The following COL22A1 variants were observed in gnomAD, a reference collection of about 807,000 sequenced individuals.
COL22A1 encodes collagen type XXII alpha 1 chain, also known as collagen alpha-1(XXII) chain.
Under a neutral mutation model 248.9 loss-of-function variants are expected in COL22A1, and 221 were observed. The observed-to-expected ratio is 0.89, with a 90% CI of 0.80 to 0.99. COL22A1 has a LOEUF of 0.99. Ranked by LOEUF, COL22A1 falls within the 50% of genes least tolerant of loss-of-function variation. The pLI is 0.00. For missense variants in COL22A1, 2,240 were observed against 2,179.0 expected (o/e 1.03, Z -0.56); for synonymous variants, 891 against 793.4 (o/e 1.12, Z -2.07).
intron 50 of COL22A1, 137 bp from the exon 51 acceptor site, chr8:138,626,380 C>T (rs1046297888): frequency 2.7e-6 from 2 of 743,650 alleles, no homozygotes; most frequent in Non-Finnish European, 4.5e-6. Context: ...CTGTATCAGC[C>T]TCATGGCTTT....
At chr8:138,642,385 G>C (rs1204388257) in intron 47 of COL22A1, among the ~76,000 whole-genome samples, 1 of 152,190 alleles carries the variant, frequency 6.6e-6, no homozygotes. Context: ...TTGGAACACT[G>C]AGCACTCTGC....
intron 5 of COL22A1, among the ~76,000 whole-genome samples, chr8:138,830,612 T>C (rs530271453): frequency 6.6e-6 from 1 of 152,356 alleles, no homozygotes; most frequent in African/African-American, 2.4e-5. Flanking sequence ...CGGGGTCCCA[T>C]GCTGTGTTCC....
intron 12 of COL22A1, among the ~76,000 whole-genome samples, chr8:138,788,613 C>T (rs1815751828): frequency 6.6e-6 from 1 of 152,210 alleles, no homozygotes; most frequent in East Asian, 1.9e-4. Flanking sequence ...TCTAGGCTTC[C>T]TGAGGTTTTA....
In COL22A1 at chr8:138,676,553, C is replaced by T; in HGVS notation, c.3150+5G>A. The T allele has an allele frequency of 6.4e-7, 1 of 1,557,960 alleles. No individual in the cohort carries two copies. Among genetic ancestry groups the T allele is most frequent in the Non-Finnish European group, 8.7e-7 (1 of 1,149,346 alleles). Reference sequence around the variant, plus strand: ...CAAGTAAGAGCTGGATAAATAAAGACTTACAGGAGGGCCAGCAACCCCAAT... The same window carrying T: ...CAAGTAAGAGCTGGATAAATAAAGATTTACAGGAGGGCCAGCAACCCCAAT... On this transcript the variant is annotated splice_donor_5th_base_variant and intron_variant, in intron 41 of 64. Coordinates refer to ENST00000303045, the MANE Select transcript of COL22A1 (RefSeq NM_152888.3).
chr8:138,846,634 A>C (rs77680508), intron 3 of COL22A1, among the ~76,000 whole-genome samples: 14,095 of 149,692 alleles, frequency 0.094, 708 homozygotes, highest in Middle Eastern at 0.13. Context: ...TGGGGTCCTC[A>C]GGGTCCACCT....
intron 16 of COL22A1, among the ~76,000 whole-genome samples, chr8:138,771,960 C>T (rs999089063): frequency 7.2e-5 from 11 of 152,188 alleles, no homozygotes; most frequent in African/African-American, 2.4e-4. Context: ...CCGATGGAGA[C>T]GGTTCCTGCT....
chr8:138,880,788 G>A (rs565433567), intron 2 of COL22A1, among the ~76,000 whole-genome samples: 2 of 152,138 alleles, frequency 1.3e-5, no homozygotes, highest in East Asian at 1.9e-4. Flanking sequence ...GGACAATAAC[G>A]TCCCAGGCTG....
chr8:138,629,449 C>T (rs1006909680), intron 50 of COL22A1, among the ~76,000 whole-genome samples: 9 of 152,136 alleles, frequency 5.9e-5, no homozygotes, highest in South Asian at 2.1e-4. Flanking sequence ...CCACTGTGCC[C>T]GGCCCAGTAT....
intron 47 of COL22A1, among the ~76,000 whole-genome samples, chr8:138,640,486 C>T (rs1240043704): frequency 6.6e-6 from 1 of 152,060 alleles, no homozygotes; most frequent in African/African-American, 2.4e-5. Context: ...CTTTCTCCAC[C>T]AATAGCTGGT....
At chr8:138,848,920 A>G (rs1457446800) in intron 3 of COL22A1, among the ~76,000 whole-genome samples, 1 of 152,162 alleles carries the variant, frequency 6.6e-6, no homozygotes, top group Non-Finnish European at 1.5e-5. Flanking sequence ...ACCAGACAGG[A>G]AGCAATCACG....
At chr8:138,679,346 G>A (rs1825791528) in intron 40 of COL22A1, among the ~76,000 whole-genome samples, 1 of 152,062 alleles carries the variant, frequency 6.6e-6, no homozygotes, top group Non-Finnish European at 1.5e-5. Flanking sequence ...CTGTCCCAAG[G>A]CCATGGTCCA....
At chr8:138,662,411 C>T (rs1824045464) in intron 42 of COL22A1, among the ~76,000 whole-genome samples, 1 of 152,176 alleles carries the variant, frequency 6.6e-6, no homozygotes, top group Admixed American at 6.5e-5. Context: ...TGGCTCACTC[C>T]TTTCATGTCC....
chr8:138,655,095 C>CTATTG (rs1396853107), intron 45 of COL22A1, among the ~76,000 whole-genome samples: 2 of 152,206 alleles, frequency 1.3e-5, no homozygotes, highest in Admixed American at 6.5e-5. Flanking sequence ...TTAGGATGTC[C>CTATTG]TATTCTATTC....
At chr8:138,911,469 T>TA (rs1434932911) in intron 1 of COL22A1, among the ~76,000 whole-genome samples, 1 of 152,210 alleles carries the variant, frequency 6.6e-6, no homozygotes, top group African/African-American at 2.4e-5. Context: ...CCTGATCTTC[T>TA]AACTCAGAGC....
intron 59 of COL22A1, among the ~76,000 whole-genome samples, chr8:138,603,497 A>C (rs538193779): frequency 2.5e-4 from 38 of 152,294 alleles, no homozygotes; most frequent in Non-Finnish European, 4.6e-4. Flanking sequence ...TCCCATTCTA[A>C]GGGGAGAGCT....
intron 4 of COL22A1, 49 bp from the exon 5 acceptor site, chr8:138,833,199 A>C: frequency 1.5e-6 from 2 of 1,345,854 alleles, no homozygotes; most frequent in East Asian, 4.6e-5. Flanking sequence ...GAAGAGTATA[A>C]GAGACAAAGG....
intron 37 of COL22A1, among the ~76,000 whole-genome samples, chr8:138,687,171 C>T (rs764952259): frequency 2.6e-5 from 4 of 152,042 alleles, no homozygotes; most frequent in South Asian, 2.1e-4. Context: ...TGGCCAGGCC[C>T]GTCATGAACT....
At chr8:138,678,793 G>A (rs948605261) in intron 40 of COL22A1, among the ~76,000 whole-genome samples, 2 of 62,154 alleles carry the variant, frequency 3.2e-5, no homozygotes, top group African/African-American at 1.2e-4. Flanking sequence ...TGCATCACTG[G>A]GTCCTCATCA....
At chr8:138,864,100 G>A (rs2131972267) in intron 3 of COL22A1, among the ~76,000 whole-genome samples, 1 of 152,178 alleles carries the variant, frequency 6.6e-6, no homozygotes, top group Admixed American at 6.5e-5. Context: ...GAAGAGGAGG[G>A]ACCAAGGGAC....
Sources: gnomAD v4.1 joint callset for allele counts (sites outside exome capture counted in the v4.1 genomes callset) on GRCh38, gnomAD v4.1.1 for gene constraint, MANE v1.5 for transcripts, NCBI Gene and HGNC (gene_info 2026-07-23, HGNC 2026-07-21) for gene names.